Variants in CADM2 observed in about 807,000 individuals in gnomAD.
CADM2 encodes cell adhesion molecule 2.
A neutral mutation model predicts 49.8 loss-of-function variants in CADM2; 12 were observed. The observed-to-expected ratio is 0.24, with a 90% CI of 0.15 to 0.39. CADM2 has a LOEUF of 0.39. Among genes scored for constraint, CADM2 ranks in the 10% least tolerant of loss-of-function variants. CADM2 has a pLI of 1.00. For synonymous variants in CADM2, 214 were observed against 175.4 expected (o/e 1.22, Z -1.74); for missense variants, 378 against 492.3 (o/e 0.77, Z 2.20).
At chr3:85,265,871 A>G (rs2043111205) in intron 1 of CADM2, among the ~76,000 whole-genome samples, 1 of 151,966 alleles carries the variant, frequency 6.6e-6, no homozygotes. Flanking sequence ...TTTGTATCAT[A>G]TAATAAATAT....
At chr3:85,442,628 A>G (rs2037263976) in intron 1 of CADM2, among the ~76,000 whole-genome samples, 1 of 107,532 alleles carries the variant, frequency 9.3e-6, no homozygotes, top group African/African-American at 3.0e-5. Flanking sequence ...ATATATATAT[A>G]TATATGAATA....
At chr3:85,894,030 A>G (rs1055062256) in intron 5 of CADM2, among the ~76,000 whole-genome samples, 1 of 152,216 alleles carries the variant, frequency 6.6e-6, no homozygotes, top group Non-Finnish European at 1.5e-5. Flanking sequence ...TCATGCTGCT[A>G]TAAAGACACA....
intron 1 of CADM2, among the ~76,000 whole-genome samples, chr3:85,099,996 A>G (rs1345643646): frequency 1.3e-5 from 2 of 151,884 alleles, no homozygotes; most frequent in African/African-American, 4.8e-5. Flanking sequence ...ATTGTTCTGC[A>G]CTTTCTGATT....
chr3:85,321,326 C>A (rs1312077585), intron 1 of CADM2, among the ~76,000 whole-genome samples: 1 of 149,706 alleles, frequency 6.7e-6, no homozygotes, highest in Non-Finnish European at 1.5e-5. Context: ...GGATGCACCA[C>A]TGTGTCTAAT....
At chr3:85,619,248 A>G (rs1436832931) in intron 1 of CADM2, among the ~76,000 whole-genome samples, 1 of 152,102 alleles carries the variant, frequency 6.6e-6, no homozygotes, top group Non-Finnish European at 1.5e-5. Flanking sequence ...TCTTTAAATT[A>G]GCAGAAAAAA....
At chr3:84,962,904 C>CA (rs1177569240) in intron 1 of CADM2, among the ~76,000 whole-genome samples, 1 of 152,060 alleles carries the variant, frequency 6.6e-6, no homozygotes, top group Non-Finnish European at 1.5e-5. Context: ...TTCTGGGAAG[C>CA]AAAATCAATT....
chr3:86,010,203 G>T (rs1731328647), intron 8 of CADM2, among the ~76,000 whole-genome samples: 1 of 151,808 alleles, frequency 6.6e-6, no homozygotes, highest in Middle Eastern at 3.2e-3. Flanking sequence ...ATCCTGGACA[G>T]GTCAAATAAT....
chr3:85,974,529 T>G (rs1726541774), intron 8 of CADM2, among the ~76,000 whole-genome samples: 1 of 151,684 alleles, frequency 6.6e-6, no homozygotes, highest in South Asian at 2.1e-4. Flanking sequence ...GGTGCAGTTT[T>G]GGAGTTCCTA....
chr3:85,479,261 G>A (rs1357500311), intron 1 of CADM2, among the ~76,000 whole-genome samples: 1 of 151,840 alleles, frequency 6.6e-6, no homozygotes, highest in African/African-American at 2.4e-5. Flanking sequence ...TACTCATGGA[G>A]TATGAAAATA....
chr3:85,994,098 A>T (rs749040004), intron 8 of CADM2: 3 of 152,272 alleles, frequency 2.0e-5, no homozygotes, highest in Non-Finnish European at 4.4e-5. Context: ...ATCTTCTTCC[A>T]ATAGAGGACT....
At chr3:85,594,630 A>G (rs1315103349) in intron 1 of CADM2, among the ~76,000 whole-genome samples, 1 of 152,016 alleles carries the variant, frequency 6.6e-6, no homozygotes, top group East Asian at 1.9e-4. Flanking sequence ...TTTATGTTAG[A>G]TAAGGGTATA....
At chr3:85,935,201 A>T (rs1349186675) in intron 6 of CADM2, among the ~76,000 whole-genome samples, 1 of 152,126 alleles carries the variant, frequency 6.6e-6, no homozygotes, top group East Asian at 1.9e-4. Flanking sequence ...TAAAATCATA[A>T]ATGCTATTGG....
intron 1 of CADM2, among the ~76,000 whole-genome samples, chr3:85,150,928 A>T (rs985964874): frequency 2.7e-5 from 4 of 148,306 alleles, no homozygotes; most frequent in Admixed American, 1.3e-4. Context: ...AAAATAAATA[A>T]TAATAATAAT....
chr3:85,413,856 T>G (rs1379457829), intron 1 of CADM2, among the ~76,000 whole-genome samples: 3 of 151,752 alleles, frequency 2.0e-5, no homozygotes, highest in Non-Finnish European at 4.4e-5. Flanking sequence ...GCTAGAAAAC[T>G]GGCTAGCTAT....
At chr3:86,045,378 T>C (rs1170569386) in intron 8 of CADM2, among the ~76,000 whole-genome samples, 9 of 152,160 alleles carry the variant, frequency 5.9e-5, no homozygotes, top group Admixed American at 4.6e-4. Flanking sequence ...CTATAATCTC[T>C]AGGATCATCC....
intron 1 of CADM2, among the ~76,000 whole-genome samples, chr3:85,620,101 C>T (rs1218464351): frequency 6.6e-6 from 1 of 152,062 alleles, no homozygotes; most frequent in African/African-American, 2.4e-5. Context: ...TGCCCAATAG[C>T]CCAATATTCT....
intron 8 of CADM2, chr3:85,992,437 G>T (rs1329739086): frequency 6.6e-6 from 1 of 151,524 alleles, no homozygotes; most frequent in African/African-American, 2.4e-5. Flanking sequence ...AATATTTTTT[G>T]CATTTGTTGT....
chr3:85,019,237 C>G (rs2034392658), intron 1 of CADM2, among the ~76,000 whole-genome samples: 1 of 152,148 alleles, frequency 6.6e-6, no homozygotes, highest in Admixed American at 6.5e-5. Flanking sequence ...AATCCCAGCA[C>G]TTTTGGAGCC....
chr3:85,398,084 C>T lies in CADM2; in HGVS notation c.62-328438C>T, dbSNP rs566852331. Among the ~76,000 whole-genome samples, 416 of 152,010 alleles carry T rather than the reference C, an allele frequency of 2.7e-3. 3 individuals carry two copies. Among genetic ancestry groups the T allele is most frequent in the African/African-American group, 9.5e-3 (393 of 41,440 alleles). ...GGTTAGTTACATATGTATACATGTG[C>T]CATGTTGGTGTGCTGCACCCATTAA... On this transcript the variant is annotated intron_variant, in intron 1 of 9. Transcript: ENST00000383699.
Sources: gnomAD v4.1 joint callset for allele counts (sites outside exome capture counted in the v4.1 genomes callset) on GRCh38, gnomAD v4.1.1 for gene constraint, MANE v1.5 for transcripts, NCBI Gene and HGNC (gene_info 2026-07-23, HGNC 2026-07-21) for gene names.